Variants in BCCIP observed in about 807,000 individuals in gnomAD.
BCCIP encodes BRCA2 and CDKN1A interacting protein.
Under a neutral mutation model 32.8 loss-of-function variants are expected in BCCIP, and 23 were observed. The observed-to-expected ratio is 0.70, with a 90% CI of 0.51 to 0.99. The LOEUF (loss-of-function observed/expected upper bound fraction) is 0.99, where lower values mean the gene tolerates loss of function less well. Among genes scored for constraint, BCCIP ranks in the 50% least tolerant of loss-of-function variants. BCCIP has a pLI of 0.00. For missense variants in BCCIP, 378 were observed against 379.8 expected (o/e 1.00, Z 0.04); for synonymous variants, 144 against 137.6 (o/e 1.05, Z -0.33).
intron 6 of BCCIP, among the ~76,000 whole-genome samples, chr10:125,835,020 C>T (rs530501565): frequency 1.3e-5 from 2 of 151,664 alleles, no homozygotes; most frequent in Admixed American, 1.3e-4. Flanking sequence ...GTAGTCCCAG[C>T]TACTCGGGAG....
downstream of BCCIP, among the ~76,000 whole-genome samples, chr10:125,837,728 G>A (rs1854740052): frequency 6.6e-6 from 1 of 152,080 alleles, no homozygotes; most frequent in African/African-American, 2.4e-5. Context: ...AAACTATATC[G>A]AGAAGATGCT....
At chr10:125,847,617 TTG>T (rs1245402354), downstream of BCCIP, among the ~76,000 whole-genome samples, 1 of 152,146 alleles carries the variant, frequency 6.6e-6, no homozygotes, top group Non-Finnish European at 1.5e-5. Context: ...GAGAGGATGG[TTG>T]TGAGATGATT....
At chr10:125,827,492 T>C in intron 2 of BCCIP, 66 bp from the exon 3 acceptor site, 1 of 1,102,438 alleles carries the variant, frequency 9.1e-7, no homozygotes, top group East Asian at 2.4e-5. Flanking sequence ...TATTTGAATA[T>C]AGGATTTGAA....
Position 125,850,064 on chromosome 10 carries a change from C to G in BCCIP, c.851-3061C>G, listed in dbSNP as rs147495110. 2.2e-4 allele frequency among the ~76,000 whole-genome samples: 34 copies of G among 151,364 alleles called. 1 individual carries two copies. In the East Asian group the frequency reaches 6.6e-3, roughly 30 times the overall value. ...TCACTGCAACCTTGAACCCTGGACTCAAGTGATCCTCCTGACTCAGCTTCC... is the reference window on the plus strand; with the variant it reads ...TCACTGCAACCTTGAACCCTGGACTGAAGTGATCCTCCTGACTCAGCTTCC... On this transcript the variant is annotated intron_variant, in intron 7 of 7. Coordinates refer to the BCCIP transcript ENST00000368759.
At chr10:125,852,779 T>C in intron 7 of BCCIP, 2 of 765,960 alleles carry the variant, frequency 2.6e-6, no homozygotes, top group Non-Finnish European at 4.1e-6. Flanking sequence ...TTGCACGATA[T>C]TTATTATTGT....
At chr10:125,833,612 T>C (rs971332705) in intron 5 of BCCIP, among the ~76,000 whole-genome samples, 160 bp from the exon 6 acceptor site, 1 of 152,248 alleles carries the variant, frequency 6.6e-6, no homozygotes. Flanking sequence ...CAACTGATTA[T>C]GTAAATAAAA....
downstream of BCCIP, among the ~76,000 whole-genome samples, chr10:125,837,208 G>GT (rs1854719932): frequency 6.6e-6 from 1 of 152,180 alleles, no homozygotes; most frequent in Admixed American, 6.5e-5. Flanking sequence ...GAGAGAGGGG[G>GT]TATCTTTGCT....
chr10:125,852,212 C>G, intron 7 of BCCIP: 1 of 1,531,520 alleles, frequency 6.5e-7, no homozygotes, highest in Non-Finnish European at 8.8e-7. Flanking sequence ...TGCTGCGCAT[C>G]ATGTGAACTC....
intron 1 of BCCIP, chr10:125,825,714 C>G (rs550067192): frequency 2.6e-5 from 4 of 152,186 alleles, no homozygotes; most frequent in African/African-American, 9.7e-5. Context: ...ACCTGAAGTG[C>G]CTTTAAATAT....
chr10:125,836,773 G>A (rs1564821030), downstream of BCCIP: 2 of 1,614,064 alleles, frequency 1.2e-6, no homozygotes, highest in East Asian at 2.2e-5. Flanking sequence ...GGGGATAGGT[G>A]ATCCACTACT....
At chr10:125,830,333 A>G (rs893390189) in intron 3 of BCCIP, among the ~76,000 whole-genome samples, 1 of 152,250 alleles carries the variant, frequency 6.6e-6, no homozygotes, top group Non-Finnish European at 1.5e-5. Context: ...GTCGAGGTAA[A>G]GCGAAATGAA....
downstream of BCCIP, chr10:125,838,292 C>G: frequency 2.5e-6 from 4 of 1,613,984 alleles, no homozygotes; most frequent in Non-Finnish European, 3.4e-6. Flanking sequence ...CTGGCATCTT[C>G]TTGGTGATTG....
At chr10:125,842,030 A>G in exon 7 of BCCIP, 2 of 1,371,224 alleles carry the variant, frequency 1.5e-6, no homozygotes, top group Non-Finnish European at 1.9e-6. Flanking sequence ...ACAAGCAAAC[A>G]ATGGACAAAA....
downstream of BCCIP, chr10:125,840,985 A>C (rs776142986): frequency 6.3e-7 from 1 of 1,596,250 alleles, no homozygotes; most frequent in Admixed American, 1.8e-5. Flanking sequence ...ACATGTGAAA[A>C]GCAATTTGGA....
intron 6 of BCCIP, 36 bp downstream of exon 6, chr10:125,833,982 A>C (rs753515480): frequency 6.3e-7 from 1 of 1,598,924 alleles, no homozygotes; most frequent in East Asian, 2.2e-5. Flanking sequence ...AGATGTAAAT[A>C]AGGATTTTCT....
intron 2 of BCCIP, 94 bp from the exon 3 acceptor site, chr10:125,827,464 C>A: frequency 2.3e-6 from 2 of 854,620 alleles, no homozygotes; most frequent in Non-Finnish European, 1.8e-6. Context: ...TCTTAAGTCA[C>A]AGAAATTTCA....
At chr10:125,852,238 C>T in intron 7 of BCCIP, 13 of 1,591,186 alleles carry the variant, frequency 8.2e-6, no homozygotes, top group Non-Finnish European at 1.1e-5. Context: ...AGAGAATGGG[C>T]AGGAGAAGGT....
downstream of BCCIP, chr10:125,838,998 C>G: frequency 6.2e-7 from 1 of 1,613,188 alleles, no homozygotes; most frequent in Non-Finnish European, 8.5e-7. Flanking sequence ...CACCCCTTCT[C>G]ACCTGCATAA....
At chr10:125,826,997 A>AAAAAAAAAAAAG (rs1854407077) in intron 2 of BCCIP, among the ~76,000 whole-genome samples, 1 of 16,376 alleles carries the variant, frequency 6.1e-5, no homozygotes. Context: ...CTCTGTCTCT[A>AAAAAAAAAAAAG]AAAAAAAAGA....
Sources: gnomAD v4.1 joint callset for allele counts (sites outside exome capture counted in the v4.1 genomes callset) on GRCh38, gnomAD v4.1.1 for gene constraint, MANE v1.5 for transcripts, NCBI Gene and HGNC (gene_info 2026-07-23, HGNC 2026-07-21) for gene names.